ATP6AP2: variants seen among roughly 807,000 people sequenced by gnomAD.
ATP6AP2 encodes the protein renin receptor.
In ATP6AP2, 1 loss-of-function variant was observed where a neutral mutation model predicts 23.4. The observed-to-expected ratio is 0.04, with a 90% CI of 0.02 to 0.20. The LOEUF (loss-of-function observed/expected upper bound fraction) is 0.20. Ranked by LOEUF, ATP6AP2 falls within the 10% of genes least tolerant of loss-of-function variation. The pLI, the probability that ATP6AP2 is intolerant of heterozygous loss-of-function variation, is 1.00. For synonymous variants in ATP6AP2, 90 were observed against 97.1 expected (o/e 0.93, Z 0.43); for missense variants, 174 against 271.3 (o/e 0.64, Z 2.52).
chrX:40,598,716 A>G lies in ATP6AP2; in HGVS notation c.570A>G (p.Leu190=). ...TCTTTCTTTCTGAACTGCAAGTGCT[A>G]CATGATATTTCAAGCTTGGTAAGTA... is the stretch of plus-strand genomic sequence containing the variant. ...DLLFLSELQV[L]HDISSLLSRH... Residue 190 remains leucine (L), a synonymous_variant, in exon 6 of 9, where the codon CTA becomes CTG. Transcript: ENST00000636580. 1 of 1,210,216 alleles carries G rather than the reference A, an allele frequency of 8.3e-7. No homozygotes were observed. The highest frequency in any genetic ancestry group is 1.1e-6 in the Non-Finnish European group (1 of 894,705).
At chrX:40,603,498 TAGTTTAAGGAGACAGG>T (rs1005753914) in intron 8 of ATP6AP2, 1 of 110,875 alleles carries the variant, frequency 9.0e-6, no homozygotes, top group African/African-American at 3.3e-5. Flanking sequence ...TCTCTTCCAT[TAGTTTAAGGAGACAGG>T]AGTTTAAGGA....
At chrX:40,583,426 A>G (rs994892055) in intron 1 of ATP6AP2, among the ~76,000 whole-genome samples, 4 of 111,817 alleles carry the variant, frequency 3.6e-5, no homozygotes, top group African/African-American at 1.3e-4. Flanking sequence ...TTTGAAACAG[A>G]ACAGCATGTG....
chrX:40,588,928 G>C, intron 1 of ATP6AP2, 58 bp from the exon 2 acceptor site: 2 of 1,138,325 alleles, frequency 1.8e-6, no homozygotes, highest in Admixed American at 2.2e-5. Context: ...TTTAATAATT[G>C]TCAAGGTAAA....
chrX:40,591,559 C>T, intron 3 of ATP6AP2, 194 bp downstream of exon 3: 1 of 481,233 alleles, frequency 2.1e-6, no homozygotes. Flanking sequence ...CTTGGCTGTT[C>T]TCTGTGGATG....
chrX:40,599,559 C>T (rs765417536), intron 6 of ATP6AP2, 33 bp from the exon 7 acceptor site: 51 of 1,205,164 alleles, frequency 4.2e-5, no homozygotes, highest in South Asian at 8.8e-5. Context: ...TTACTTTATC[C>T]GCTACCTTTT....
intron 1 of ATP6AP2, 56 bp downstream of exon 1, chrX:40,581,158 T>TG (rs1926311155): frequency 1.0e-6 from 1 of 973,758 alleles, no homozygotes; most frequent in Admixed American, 3.8e-5. Context: ...CCGCGGGGCT[T>TG]GGGGGTCGGG....
At chrX:40,581,560 T>C in intron 1 of ATP6AP2, among the ~76,000 whole-genome samples, 1 of 112,842 alleles carries the variant, frequency 8.9e-6, no homozygotes, top group Non-Finnish European at 1.9e-5. Flanking sequence ...CTGAAATCCC[T>C]GCCCCTCCCT....
intron 8 of ATP6AP2, chrX:40,603,264 G>A (rs2146545982): frequency 9.3e-6 from 1 of 107,898 alleles, no homozygotes; most frequent in East Asian, 2.9e-4. Flanking sequence ...TGATAGAAAT[G>A]TTCTAGAATT....
At chrX:40,597,917 G>T (rs184884436) in intron 5 of ATP6AP2, 219 of 327,524 alleles carry the variant, frequency 6.7e-4, no homozygotes, top group Non-Finnish European at 9.5e-4. Context: ...TACTGCTGGG[G>T]TAGATTCTTC....
chrX:40,601,065 G>A, intron 8 of ATP6AP2, 184 bp downstream of exon 8: 1 of 430,544 alleles, frequency 2.3e-6, no homozygotes, highest in South Asian at 3.6e-5. Flanking sequence ...GTGATGATCA[G>A]TTCTTTAGGG....
At chrX:40,590,953 G>A (rs1054353162) in intron 2 of ATP6AP2, 6 of 290,583 alleles carry the variant, frequency 2.1e-5, no homozygotes, top group Non-Finnish European at 1.8e-5. Flanking sequence ...AGGTACCTAT[G>A]TTTTGTTTAC....
At position 40,599,584 on chromosome X, in the gene ATP6AP2, C is replaced by G; in HGVS notation, c.589-8C>G. On this transcript the variant is annotated splice_polypyrimidine_tract_variant and splice_region_variant and intron_variant, in intron 6 of 8. Coordinates refer to ENST00000636580, the MANE Select transcript of ATP6AP2 (RefSeq NM_005765.3). ...CGCTACCTTTTTTTGTTTGTTTGTT[C>G]TCCTAAGCTGTCTCGTCATAAGCAT... 8.3e-7 allele frequency: 1 copy of G among 1,210,216 alleles called. No individual in the cohort carries two copies. The highest frequency in any genetic ancestry group is 1.1e-6 in the Non-Finnish European group (1 of 894,892).
chrX:40,590,910 A>G (rs1020048164), intron 2 of ATP6AP2: 5 of 231,835 alleles, frequency 2.2e-5, no homozygotes, highest in African/African-American at 8.6e-5. Flanking sequence ...CCATGGCTAC[A>G]TGAAGAAAAT....
chrX:40,601,888 G>C (rs1007515694), intron 8 of ATP6AP2, among the ~76,000 whole-genome samples: 1 of 112,304 alleles, frequency 8.9e-6, no homozygotes, highest in African/African-American at 3.2e-5. Context: ...GGGATGGAAG[G>C]ACCTTTGTTT....
intron 8 of ATP6AP2, 123 bp from the exon 9 acceptor site, chrX:40,605,438 G>C (rs905739784): frequency 1.6e-6 from 1 of 628,297 alleles, no homozygotes; most frequent in African/African-American, 2.2e-5. Context: ...CCTAGTATAA[G>C]TAGCTGTTAT....
intron 2 of ATP6AP2, chrX:40,590,585 C>T: frequency 9.0e-6 from 1 of 110,634 alleles, no homozygotes; most frequent in Non-Finnish European, 1.9e-5. Flanking sequence ...TGCCATGTTG[C>T]TCAGGCTGGT....
chrX:40,594,621 C>T (rs1407044289), intron 3 of ATP6AP2, among the ~76,000 whole-genome samples: 3 of 112,111 alleles, frequency 2.7e-5, no homozygotes, highest in Admixed American at 9.5e-5. Context: ...GCTAAAGCCT[C>T]ATTTTCTATA....
At chrX:40,590,952 T>C (rs1326203091) in intron 2 of ATP6AP2, 1 of 286,620 alleles carries the variant, frequency 3.5e-6, no homozygotes, top group Non-Finnish European at 6.2e-6. Flanking sequence ...AAGGTACCTA[T>C]GTTTTGTTTA....
At chrX:40,596,346 C>T (rs1389164885) in intron 3 of ATP6AP2, among the ~76,000 whole-genome samples, 1 of 111,853 alleles carries the variant, frequency 8.9e-6, no homozygotes, top group African/African-American at 3.2e-5. Context: ...AAAACAAAAA[C>T]ATGACTGTAC....
Sources: allele counts gnomAD v4.1 joint callset (sites outside exome capture counted in the v4.1 genomes callset), GRCh38; gene constraint gnomAD v4.1.1; transcripts MANE v1.5; gene names NCBI Gene and HGNC (gene_info 2026-07-23, HGNC 2026-07-21).